Variants in MOV10L1 observed in about 807,000 individuals in gnomAD.
The protein encoded by MOV10L1 is Mov10 like RNA helicase 1.
MOV10L1 carries 110 observed loss-of-function variants against 143.8 expected under a neutral mutation model. The observed-to-expected ratio is 0.76, with a 90% confidence interval of 0.66 to 0.90. The LOEUF (loss-of-function observed/expected upper bound fraction) is 0.90. MOV10L1 is among the 40% of genes least tolerant of loss of function. The pLI is 0.00. For missense variants in MOV10L1, 1,406 were observed against 1,526.8 expected (o/e 0.92, Z 1.32); for synonymous variants, 593 against 581.1 (o/e 1.02, Z -0.29).
At position 50,158,157 on chromosome 22, in the gene MOV10L1, G is replaced by C. The variant is rs768952746; in HGVS notation, c.3167G>C (p.Ser1056Thr). 6 of 1,614,084 alleles carry C rather than the reference G, an allele frequency of 3.7e-6. No individual in the cohort carries two copies. In the African/African-American group the frequency reaches 4.0e-5, roughly 11 times the overall value. ...YCCLLAHSIS[S>T]QVSASDIGVI... is the part of the protein sequence containing the mutation. ...TGCCTCCTGGCCCACAGCATCTCCA[G>C]TCAGGTGTCTGCCAGCGACATTGGC... Residue 1056 changes from serine (S) to threonine (T), a missense_variant, in exon 23 of 27, where the codon AGT (serine) becomes ACT (threonine). Physicochemically the swap from Ser to Thr is moderately conservative, Grantham distance 58 (BLOSUM62 1). Around this residue, in one of 3 missense-constraint regions of MOV10L1, gnomAD observed 1,233 missense variants for 1,351.4 expected, o/e 0.91. Transcript: ENST00000262794. This position sits in a 1 kb window ranked among gnomAD's most constrained non-coding sequence, Gnocchi z 5.0.
At chr22:50,116,193 C>CT (rs111406730) in intron 8 of MOV10L1, among the ~76,000 whole-genome samples, 16,341 of 139,650 alleles carry the variant, frequency 0.12, 983 homozygotes, top group South Asian at 0.23. Flanking sequence ...AGCTTCAATG[C>CT]TTTTTTTTTT....
At chr22:50,098,795 T>G (rs2062662670) in intron 2 of MOV10L1, among the ~76,000 whole-genome samples, 1 of 152,174 alleles carries the variant, frequency 6.6e-6, no homozygotes, top group Non-Finnish European at 1.5e-5. Flanking sequence ...GAGTGTGGTG[T>G]TTGTTGTGAG....
intron 3 of MOV10L1, among the ~76,000 whole-genome samples, chr22:50,105,888 T>C (rs2061853294): frequency 6.6e-6 from 1 of 152,228 alleles, no homozygotes; most frequent in Non-Finnish European, 1.5e-5. Flanking sequence ...CAGGAACTTG[T>C]ACGTGCTTGT....
chr22:50,150,905 TCA>T lies in MOV10L1; in HGVS notation c.2892+9_2892+10del. The T allele has an allele frequency of 6.2e-7, 1 of 1,613,976 alleles. No individual in the cohort carries two copies. Among genetic ancestry groups the T allele is most frequent in the Non-Finnish European group, 8.5e-7 (1 of 1,179,974 alleles). On this transcript the variant is annotated splice_region_variant and intron_variant, in intron 21 of 26. Coordinates refer to ENST00000262794, the MANE Select transcript of MOV10L1 (RefSeq NM_018995.3). ...GCGCACATAATCCCCTGTTGGTGAG[TCA>T]CAGACTCCAGCGCGTTCAGGTCCCC...
chr22:50,153,801 T>C (rs2063357757), intron 22 of MOV10L1, among the ~76,000 whole-genome samples: 1 of 152,208 alleles, frequency 6.6e-6, no homozygotes, highest in African/African-American at 2.4e-5. Context: ...TATTAGGAGT[T>C]TAGTTAGAGC....
In MOV10L1 at chr22:50,161,356, C is replaced by T. The variant is rs2063555656; in HGVS notation, c.3555-12C>T. 1 of 1,572,944 alleles carries T rather than the reference C, an allele frequency of 6.4e-7. No individual in the cohort carries two copies. Among genetic ancestry groups the T allele is most frequent in the Non-Finnish European group, 8.6e-7 (1 of 1,159,630 alleles). ...CTGGCTCACTGGCCATCCGCTTCTC[C>T]TCTGTCTACAGCTGTGGCGAGGGGG... is the stretch of plus-strand genomic sequence containing the variant. On this transcript the variant is annotated splice_polypyrimidine_tract_variant and intron_variant, in intron 26 of 26. Transcript: ENST00000262794.
chr22:50,157,965 G>A lies in MOV10L1; in HGVS notation c.3067-92G>A. On this transcript the variant is annotated intron_variant, in intron 22 of 26. Transcript: ENST00000262794. ...AGGGATTTATTCTGTCATATTCAGTGTGTATTCCCAGCACCGACTTCAGCT... is the reference window on the plus strand; with the variant it reads ...AGGGATTTATTCTGTCATATTCAGTATGTATTCCCAGCACCGACTTCAGCT... 2.8e-6 allele frequency: 4 copies of A among 1,424,150 alleles called. No individual in the cohort carries two copies. The South Asian group carries it at 5.2e-5, about 19-fold the overall frequency. The allele number at this position is 1,424,150 out of a possible 1,614,324, so 88.2% of individuals were successfully genotyped here.
At chr22:50,156,178 T>C (rs1234816031) in intron 22 of MOV10L1, among the ~76,000 whole-genome samples, 1 of 151,834 alleles carries the variant, frequency 6.6e-6, no homozygotes, top group Admixed American at 6.6e-5. Flanking sequence ...TACAGTGGCA[T>C]GATCTTGGCT....
intron 26 of MOV10L1, 150 bp from the exon 27 acceptor site, chr22:50,161,218 C>T: frequency 1.0e-6 from 1 of 994,814 alleles, no homozygotes; most frequent in Non-Finnish European, 1.5e-6. Context: ...GCCACTGTTT[C>T]CTGGACATTT....
Position 50,140,271 on chromosome 22 carries a change from C to T in MOV10L1, c.2071-1810C>T, listed in dbSNP as rs916452518. On this transcript the variant is annotated intron_variant, in intron 15 of 26. Transcript: ENST00000262794. ...CCAGCCAGTGCCACTGGAGGGGCTGCGGCACAAGGCGGCTCTGGGGACTGA... is the reference window on the plus strand; with the variant it reads ...CCAGCCAGTGCCACTGGAGGGGCTGTGGCACAAGGCGGCTCTGGGGACTGA... 1.1e-4 allele frequency among the ~76,000 whole-genome samples: 17 copies of T among 152,292 alleles called. No homozygotes were observed. The Middle Eastern group carries it at 0.01, about 91-fold the overall frequency.
chr22:50,160,551 C>T, intron 24 of MOV10L1, 137 bp from the exon 25 acceptor site: 1 of 1,159,234 alleles, frequency 8.6e-7, no homozygotes, highest in Non-Finnish European at 1.2e-6. Context: ...CGCGCCCGGC[C>T]TCCTGTTTCT....
rs1050369069 is a variant in MOV10L1 at position 50,161,591 on chromosome 22, C to T, written c.*142C>T. 23 of 788,252 alleles carry T rather than the reference C, an allele frequency of 2.9e-5. 1 individual carries two copies. The highest frequency in any genetic ancestry group is 4.3e-5 in the Non-Finnish European group (22 of 508,688). The allele number at this position is 788,252 out of a possible 1,614,324, so 48.8% of individuals were successfully genotyped here. Reference sequence around the variant, plus strand: ...GGGTGTGGGGCTGCCAGGTTGGACGCAGCTGCTGCTGCCCTGACTTTGGCA... The same window carrying T: ...GGGTGTGGGGCTGCCAGGTTGGACGTAGCTGCTGCTGCCCTGACTTTGGCA... On this transcript the variant is annotated 3_prime_UTR_variant, in exon 27 of 27. Transcript: ENST00000262794.
At chr22:50,155,952 G>A (rs1172441623) in intron 22 of MOV10L1, among the ~76,000 whole-genome samples, 1 of 152,178 alleles carries the variant, frequency 6.6e-6, no homozygotes, top group Non-Finnish European at 1.5e-5. Flanking sequence ...TCAGGAGGCT[G>A]AGGTGGGAGG....
intron 12 of MOV10L1, among the ~76,000 whole-genome samples, chr22:50,128,188 G>A (rs2062566671): frequency 6.6e-6 from 1 of 152,236 alleles, no homozygotes; most frequent in South Asian, 2.1e-4. Context: ...CAGAGCCTTA[G>A]GAGAGGCTAC....
chr22:50,111,394 T>G (rs945200435), intron 5 of MOV10L1, among the ~76,000 whole-genome samples: 2 of 151,380 alleles, frequency 1.3e-5, no homozygotes, highest in Middle Eastern at 3.4e-3. Flanking sequence ...GCTCTCTGCT[T>G]GGGGACAAAG....
intron 12 of MOV10L1, among the ~76,000 whole-genome samples, chr22:50,127,683 C>G (rs2062550395): frequency 6.6e-6 from 1 of 152,132 alleles, no homozygotes; most frequent in Non-Finnish European, 1.5e-5. Flanking sequence ...CCCATACTGT[C>G]TAGGAAAGAA....
chr22:50,096,551 A>G (rs1164878900), intron 2 of MOV10L1: 2 of 152,230 alleles, frequency 1.3e-5, no homozygotes, highest in African/African-American at 4.8e-5. Context: ...GAGGAACCAG[A>G]TGTTTTCCAC....
intron 5 of MOV10L1, 79 bp from the exon 6 acceptor site, chr22:50,113,569 T>A: frequency 6.5e-7 from 1 of 1,549,378 alleles, no homozygotes; most frequent in Non-Finnish European, 8.7e-7. Context: ...CCACCAGCAG[T>A]CTATCCTCAG....
intron 13 of MOV10L1, among the ~76,000 whole-genome samples, chr22:50,132,649 T>A (rs1353122416): frequency 6.6e-6 from 1 of 152,362 alleles, no homozygotes; most frequent in East Asian, 1.9e-4. Context: ...TATGTTTACC[T>A]TGTATCCTGC....
Sources: allele counts gnomAD v4.1 joint callset (sites outside exome capture counted in the v4.1 genomes callset), GRCh38; gene constraint gnomAD v4.1.1; regional missense constraint gnomAD v4.1.1; non-coding constraint Gnocchi (gnomAD v3.1); transcripts MANE v1.5; gene names NCBI Gene and HGNC (gene_info 2026-07-23, HGNC 2026-07-21).